YTHDC2: variants seen among roughly 807,000 people sequenced by gnomAD.
YTHDC2 encodes 3'-5' RNA helicase YTHDC2.
In YTHDC2, 45 loss-of-function variants were observed where a neutral mutation model predicts 174.9. The ratio of observed to expected loss-of-function variants is 0.26; its 90% CI spans 0.20 to 0.33. The LOEUF (loss-of-function observed/expected upper bound fraction) is 0.33. Among genes scored for constraint, YTHDC2 ranks in the 10% least tolerant of loss-of-function variants. The pLI is 1.00. For synonymous variants in YTHDC2, 657 were observed against 574.5 expected (o/e 1.14, Z -2.05); for missense variants, 1,650 against 1,723.7 (o/e 0.96, Z 0.76).
At chr5:113,582,664 G>A (rs1778468307) in intron 25 of YTHDC2, 1 of 151,126 alleles carries the variant, frequency 6.6e-6, no homozygotes, top group African/African-American at 2.5e-5. Flanking sequence ...TAGAAACAAT[G>A]GAAACATAAA....
In YTHDC2 at chr5:113,581,661, A is replaced by C; in HGVS notation, c.3599A>C (p.Lys1200Thr). 6.2e-7 allele frequency: 1 copy of C among 1,612,170 alleles called. No homozygotes were observed. Residue 1200 changes from lysine to threonine, a missense_variant, in exon 25 of 30, where the codon AAA becomes ACA. Physicochemically the swap from Lys to Thr is moderately conservative, Grantham distance 78. This residue lies in a region of YTHDC2 where 913 missense variants were observed against 940.4 expected (regional missense o/e 0.97). Coordinates refer to ENST00000161863, the MANE Select transcript of YTHDC2 (RefSeq NM_022828.5). ...ASSWRSNNSR[K>T]SSADTEFSDE... ...TCTTGGAGGTCAAATAATAGTAGGAAAAGTTCAGCAGATACTGAATTTTCT... is the reference window on the plus strand; with the variant it reads ...TCTTGGAGGTCAAATAATAGTAGGACAAGTTCAGCAGATACTGAATTTTCT...
chr5:113,592,288 G>A, intron 28 of YTHDC2, 110 bp downstream of exon 28: 1 of 1,104,780 alleles, frequency 9.1e-7, no homozygotes, highest in Non-Finnish European at 1.2e-6. Flanking sequence ...TATTCCATAT[G>A]CACATGGGAA....
chr5:113,555,603 T>C (rs1454598970), intron 16 of YTHDC2, among the ~76,000 whole-genome samples: 1 of 152,178 alleles, frequency 6.6e-6, no homozygotes, highest in African/African-American at 2.4e-5. Context: ...TGGGATAAGA[T>C]TATTGATTGT....
chr5:113,541,144 A>G (rs761317612), intron 9 of YTHDC2, 28 bp downstream of exon 9: 22 of 1,610,792 alleles, frequency 1.4e-5, no homozygotes, highest in Non-Finnish European at 1.0e-5. Context: ...TCCCACTCAT[A>G]TTTTGTGTGA....
intron 19 of YTHDC2, 133 bp from the exon 20 acceptor site, chr5:113,563,726 C>T (rs994101241): frequency 3.4e-4 from 366 of 1,091,786 alleles, no homozygotes; most frequent in Non-Finnish European, 3.0e-4. Context: ...ATAATAGAAA[C>T]GAAATATATT....
At chr5:113,544,513 C>G (rs1044577103) in intron 10 of YTHDC2, among the ~76,000 whole-genome samples, 3 of 152,106 alleles carry the variant, frequency 2.0e-5, no homozygotes, top group African/African-American at 7.2e-5. Context: ...TGTTTAGTGA[C>G]AGGAAGTTCA....
At chr5:113,560,536 C>T (rs1776893156) in intron 17 of YTHDC2, among the ~76,000 whole-genome samples, 1 of 152,146 alleles carries the variant, frequency 6.6e-6, no homozygotes, top group Non-Finnish European at 1.5e-5. Flanking sequence ...ATCTCTATCC[C>T]TAAGCATAGC....
At chr5:113,539,602 T>C (rs1381274703) in intron 8 of YTHDC2, among the ~76,000 whole-genome samples, 4 of 152,372 alleles carry the variant, frequency 2.6e-5, no homozygotes, top group East Asian at 1.9e-4. Context: ...CAGGATTTCA[T>C]TGATACTTTG....
intron 24 of YTHDC2, chr5:113,581,144 G>C (rs995695716): frequency 1.1e-5 from 3 of 272,400 alleles, no homozygotes; most frequent in South Asian, 1.1e-4. Flanking sequence ...TTACCCTGCT[G>C]CTACTTTTCC....
chr5:113,543,662 A>G (rs1286217714), intron 10 of YTHDC2, among the ~76,000 whole-genome samples: 2 of 152,178 alleles, frequency 1.3e-5, no homozygotes, highest in Non-Finnish European at 2.9e-5. Flanking sequence ...TTCCAGTTAC[A>G]CTGTGGATAA....
intron 19 of YTHDC2, among the ~76,000 whole-genome samples, 177 bp from the exon 20 acceptor site, chr5:113,563,682 G>A (rs1777154789): frequency 6.6e-6 from 1 of 152,102 alleles, no homozygotes; most frequent in South Asian, 2.1e-4. Context: ...ATATTGTCAT[G>A]TATGAAACAG....
chr5:113,554,101 T>C, intron 16 of YTHDC2, 79 bp downstream of exon 16: 1 of 1,256,480 alleles, frequency 8.0e-7, no homozygotes, highest in Non-Finnish European at 1.1e-6. Context: ...ATTTATTATT[T>C]AGTTGTTTTT....
intron 9 of YTHDC2, among the ~76,000 whole-genome samples, chr5:113,541,681 A>G (rs1468603019): frequency 2.0e-5 from 3 of 152,120 alleles, no homozygotes; most frequent in Non-Finnish European, 2.9e-5. Context: ...ATGTATCCAA[A>G]TGAACTGTAC....
intron 23 of YTHDC2, among the ~76,000 whole-genome samples, chr5:113,570,462 C>G (rs1777644608): frequency 6.6e-6 from 1 of 151,984 alleles, no homozygotes; most frequent in Non-Finnish European, 1.5e-5. Context: ...TGATTTGGCT[C>G]TCTGCTTGCC....
intron 26 of YTHDC2, among the ~76,000 whole-genome samples, chr5:113,589,630 G>A (rs553478582): frequency 5.3e-5 from 8 of 151,796 alleles, no homozygotes; most frequent in African/African-American, 1.9e-4. Flanking sequence ...TACTGGGGAG[G>A]CTGAGGCAGG....
At chr5:113,557,719 G>T (rs965546143) in intron 17 of YTHDC2, among the ~76,000 whole-genome samples, 1 of 152,138 alleles carries the variant, frequency 6.6e-6, no homozygotes, top group Non-Finnish European at 1.5e-5. Context: ...ATCTGATCCT[G>T]GGAGGTCGAG....
At chr5:113,591,661 A>T (rs539895699) in intron 27 of YTHDC2, among the ~76,000 whole-genome samples, 3 of 152,170 alleles carry the variant, frequency 2.0e-5, no homozygotes, top group African/African-American at 4.8e-5. Flanking sequence ...TACATTTATT[A>T]TTTGATGTTT....
chr5:113,561,959 T>G lies in YTHDC2; in HGVS notation c.2322+774T>G, dbSNP rs767539974. On this transcript the variant is annotated intron_variant, in intron 18 of 29. Coordinates refer to ENST00000161863, the MANE Select transcript of YTHDC2 (RefSeq NM_022828.5). Reference sequence around the variant, plus strand: ...TTTTCTGACCTCTATTAATTGTGGGTGTGTGTGTGTGTGTGTGTGTGTGTG... The same window carrying G: ...TTTTCTGACCTCTATTAATTGTGGGGGTGTGTGTGTGTGTGTGTGTGTGTG... 7.1e-3 allele frequency among the ~76,000 whole-genome samples: 504 copies of G among 71,484 alleles called. 1 individual carries two copies. The highest frequency in any genetic ancestry group is 0.013 in the Middle Eastern group (2 of 158). 46.9% of individuals were successfully genotyped at this position (71,484 alleles called of 152,430 possible).
At chr5:113,571,110 G>T (rs1406516249) in intron 23 of YTHDC2, among the ~76,000 whole-genome samples, 3 of 152,198 alleles carry the variant, frequency 2.0e-5, no homozygotes, top group Non-Finnish European at 4.4e-5. Flanking sequence ...GATACTGGCT[G>T]TGGGTTTGTC....
Sources: allele counts gnomAD v4.1 joint callset (sites outside exome capture counted in the v4.1 genomes callset), GRCh38; gene constraint gnomAD v4.1.1; regional missense constraint gnomAD v4.1.1; transcripts MANE v1.5; gene names NCBI Gene and HGNC (gene_info 2026-07-23, HGNC 2026-07-21).